The following CEACAM7 variants were observed in gnomAD, a reference collection of about 807,000 sequenced individuals.
CEACAM7 encodes the protein CEA cell adhesion molecule 7.
A neutral mutation model predicts 25.7 loss-of-function variants in CEACAM7; 24 were observed. The observed-to-expected ratio is 0.93, with a 90% CI of 0.68 to 1.31. The LOEUF (loss-of-function observed/expected upper bound fraction) is 1.31. CEACAM7 is among the 40% of genes most tolerant of loss of function. CEACAM7 has a pLI of 0.00. For missense variants in CEACAM7, 324 were observed against 330.1 expected, an observed-to-expected ratio of 0.98 and a Z score of 0.14; for synonymous variants, 144 against 129.4, an observed-to-expected ratio of 1.11 and a Z score of -0.77.
chr19:41,675,867 A>G (rs2072108637), intron 4 of CEACAM7, among the ~76,000 whole-genome samples: 1 of 152,256 alleles, frequency 6.6e-6, no homozygotes, highest in Admixed American at 6.5e-5. Flanking sequence ...ATTCACATCA[A>G]TAACATACCC....
In CEACAM7 at chr19:41,684,707, C is replaced by A. The variant is rs1327524232; in HGVS notation, c.428-644G>T. 3.9e-5 allele frequency among the ~76,000 whole-genome samples: 6 copies of A among 152,120 alleles called. No individual in the cohort carries two copies. In the East Asian group the frequency reaches 1.2e-3, roughly 29 times the overall value. On this transcript the variant is annotated intron_variant, in intron 2 of 4. Coordinates refer to ENST00000401731, the MANE Select transcript of CEACAM7 (RefSeq NM_001291485.2). ...ATAGAGAAAGGGTGAGTGAGACAAG[C>A]AGGGGCTGGCTGAAAATCTGAGGAT... is the stretch of plus-strand genomic sequence containing the variant.
intron 3 of CEACAM7, among the ~76,000 whole-genome samples, chr19:41,679,761 T>C (rs555971309): frequency 1.3e-5 from 2 of 151,590 alleles, no homozygotes; most frequent in Admixed American, 1.3e-4. Flanking sequence ...TCAGCTGTAT[T>C]TCTTTTTTCT....
chr19:41,681,341 G>T (rs1450899568), intron 3 of CEACAM7, among the ~76,000 whole-genome samples: 6 of 152,252 alleles, frequency 3.9e-5, no homozygotes, highest in African/African-American at 1.2e-4. Context: ...GTGTGAAATG[G>T]TGCAGCCACA....
chr19:41,687,324 GAAGT>G, intron 1 of CEACAM7, 103 bp from the exon 2 acceptor site: 2 of 1,168,436 alleles, frequency 1.7e-6, no homozygotes, highest in South Asian at 3.1e-5. Context: ...CCCCCATCTT[GAAGT>G]AAGTGTGTGT....
intron 3 of CEACAM7, among the ~76,000 whole-genome samples, chr19:41,680,607 G>C (rs782603917): frequency 5.1e-4 from 77 of 152,228 alleles, no homozygotes; most frequent in Admixed American, 2.6e-3. Flanking sequence ...AAATGCTTGC[G>C]TTTATAGTCA....
chr19:41,687,139 C>T lies in CEACAM7; in HGVS notation c.147G>A (p.Lys49=). 6.2e-7 allele frequency: 1 copy of T among 1,614,074 alleles called. No individual in the cohort carries two copies. The highest frequency in any genetic ancestry group is 8.5e-7 in the Non-Finnish European group (1 of 1,179,944). ...CATTATGGACTACTAGAAGGACCTCCTTCCCTTCTGCGACATTGAACGGCA... is the reference window on the plus strand; with the variant it reads ...CATTATGGACTACTAGAAGGACCTCTTTCCCTTCTGCGACATTGAACGGCA... ...DVVPFNVAEG[K]EVLLVVHNES... The change falls in exon 2 of 5, where the codon AAG becomes AAA. Residue 49 remains lysine, a synonymous_variant. Coordinates refer to ENST00000401731, the MANE Select transcript of CEACAM7 (RefSeq NM_001291485.2).
intron 2 of CEACAM7, among the ~76,000 whole-genome samples, chr19:41,685,555 C>T (rs1032253634): frequency 6.6e-6 from 1 of 152,156 alleles, no homozygotes; most frequent in Non-Finnish European, 1.5e-5. Context: ...CATTCATTCC[C>T]TCCCTCCTTC....
chr19:41,687,433 G>A (rs1329744253), intron 1 of CEACAM7, among the ~76,000 whole-genome samples: 1 of 152,156 alleles, frequency 6.6e-6, no homozygotes, highest in Non-Finnish European at 1.5e-5. Flanking sequence ...CTCTTCCCCA[G>A]GGATCTGCAG....
At position 41,687,124 on chromosome 19, in the gene CEACAM7, T is replaced by A; in HGVS notation, c.162A>T (p.Val54=). Residue 54 remains valine, a synonymous_variant, in exon 2 of 5, where the codon GTA becomes GTT. Transcript: ENST00000401731. ...AAAGATTCTGGGACTCATTATGGAC[T>A]ACTAGAAGGACCTCCTTCCCTTCTG... is the stretch of plus-strand genomic sequence containing the variant. The part of the protein sequence containing the change: ...NVAEGKEVLL[V]VHNESQNLYG... The A allele has an allele frequency of 6.2e-7, 1 of 1,614,126 alleles. No homozygotes were observed. The highest frequency in any genetic ancestry group is 1.3e-5 in the African/African-American group (1 of 75,046).
At chr19:41,678,171 TC>T (rs2072135256) in intron 3 of CEACAM7, among the ~76,000 whole-genome samples, 1 of 152,122 alleles carries the variant, frequency 6.6e-6, no homozygotes, top group African/African-American at 2.4e-5. Flanking sequence ...GCATGTCTAA[TC>T]CCATCTTGAC....
At chr19:41,680,317 T>C (rs1298912240) in intron 3 of CEACAM7, among the ~76,000 whole-genome samples, 2 of 151,996 alleles carry the variant, frequency 1.3e-5, no homozygotes, top group African/African-American at 4.8e-5. Context: ...GGAAAGAAAT[T>C]CCATTTTCAT....
At chr19:41,678,310 CATGTATATGTATATGTAT>C (rs55633841) in intron 3 of CEACAM7, among the ~76,000 whole-genome samples, 2,325 of 144,746 alleles carry the variant, frequency 0.016, 30 homozygotes, top group East Asian at 0.019. Flanking sequence ...CTGTTTCTCC[CATGTATATGTATATGTAT>C]ATGTATATGT....
At chr19:41,679,137 AT>A (rs1486006230) in intron 3 of CEACAM7, among the ~76,000 whole-genome samples, 5 of 152,208 alleles carry the variant, frequency 3.3e-5, no homozygotes, top group African/African-American at 4.8e-5. Context: ...AAGAAAAAAA[AT>A]GAGAAGATAG....
intron 1 of CEACAM7, 31 bp from the exon 2 acceptor site, chr19:41,687,252 T>G (rs782293352): frequency 6.4e-7 from 1 of 1,557,372 alleles, no homozygotes; most frequent in East Asian, 2.3e-5. Context: ...CAGTCAATAT[T>G]GGGACCTATG....
intron 3 of CEACAM7, 103 bp downstream of exon 3, chr19:41,683,682 G>A (rs2072197412): frequency 6.6e-7 from 1 of 1,504,688 alleles, no homozygotes; most frequent in Non-Finnish European, 9.1e-7. Flanking sequence ...GCCTAGAGGT[G>A]AGGGTCTGTG....
intron 3 of CEACAM7, among the ~76,000 whole-genome samples, chr19:41,682,891 A>C (rs1161002728): frequency 6.6e-6 from 1 of 152,178 alleles, no homozygotes; most frequent in Non-Finnish European, 1.5e-5. Context: ...TCTTTCCACT[A>C]CCTGGGGCTT....
intron 3 of CEACAM7, among the ~76,000 whole-genome samples, chr19:41,681,887 AG>A (rs1232681092): frequency 5.3e-5 from 8 of 152,188 alleles, no homozygotes; most frequent in Non-Finnish European, 7.3e-5. Context: ...GAGTTGAAAA[AG>A]TTCTGGAAAT....
chr19:41,675,307 A>G (rs1200897987), intron 4 of CEACAM7, among the ~76,000 whole-genome samples: 2 of 152,230 alleles, frequency 1.3e-5, no homozygotes, highest in African/African-American at 2.4e-5. Context: ...ATTTTTGTTC[A>G]CAAGTTGTAT....
intron 4 of CEACAM7, among the ~76,000 whole-genome samples, chr19:41,676,147 T>A (rs777838532): frequency 6.6e-5 from 10 of 152,236 alleles, no homozygotes; most frequent in Non-Finnish European, 1.2e-4. Flanking sequence ...GGGTTCTGCA[T>A]CCTGCTTGCA....
Sources: gnomAD v4.1 joint callset for allele counts (sites outside exome capture counted in the v4.1 genomes callset) on GRCh38, gnomAD v4.1.1 for gene constraint, MANE v1.5 for transcripts, NCBI Gene and HGNC (gene_info 2026-07-23, HGNC 2026-07-21) for gene names.